GRID1: variants seen among roughly 807,000 people sequenced by gnomAD.
GRID1 encodes the protein glutamate ionotropic receptor delta type subunit 1, also known as glutamate receptor ionotropic, delta-1.
GRID1 carries 28 observed loss-of-function variants against 98.0 expected under a neutral mutation model. The ratio of observed to expected loss-of-function variants is 0.29; its 90% CI spans 0.21 to 0.39. The LOEUF is 0.39. GRID1 is among the 10% of genes least tolerant of loss of function. GRID1 has a pLI of 1.00. For synonymous variants in GRID1, 553 were observed against 538.5 expected (o/e 1.03, Z -0.37); for missense variants, 1,111 against 1,340.5 (o/e 0.83, Z 2.67).
At chr10:86,308,744 C>A (rs7904558) in intron 2 of GRID1, among the ~76,000 whole-genome samples, 11,137 of 152,192 alleles carry the variant, frequency 0.073, 1,127 homozygotes, top group African/African-American at 0.24. Flanking sequence ...CCCACATCTG[C>A]TGAGGGCTTT....
At chr10:86,130,713 C>G (rs1353464342) in intron 4 of GRID1, among the ~76,000 whole-genome samples, 2 of 152,354 alleles carry the variant, frequency 1.3e-5, no homozygotes, top group East Asian at 3.9e-4. Flanking sequence ...CATCCTTTAA[C>G]TTGTCTGTGT....
At chr10:86,282,119 A>C (rs1847365682) in intron 2 of GRID1, among the ~76,000 whole-genome samples, 1 of 152,216 alleles carries the variant, frequency 6.6e-6, no homozygotes, top group African/African-American at 2.4e-5. Flanking sequence ...CAAACTGGGA[A>C]GACCATTCTC....
intron 4 of GRID1, among the ~76,000 whole-genome samples, chr10:86,010,646 A>G (rs1408825799): frequency 6.6e-6 from 1 of 151,994 alleles, no homozygotes; most frequent in Non-Finnish European, 1.5e-5. Flanking sequence ...ATGAAACTCC[A>G]TCTCTACTAA....
chr10:85,985,215 T>A (rs1484157795), intron 4 of GRID1, among the ~76,000 whole-genome samples: 1 of 152,218 alleles, frequency 6.6e-6, no homozygotes. Context: ...CTATCTCAAG[T>A]TGCCAAGTGA....
Position 85,797,752 on chromosome 10 carries a change from CA to C in GRID1, c.1233+56743del, listed in dbSNP as rs1397612841. 3.9e-5 allele frequency among the ~76,000 whole-genome samples: 6 copies of C among 152,116 alleles called. No individual in the cohort carries two copies. In the East Asian group the frequency reaches 1.2e-3, roughly 29 times the overall value. On this transcript the variant is annotated intron_variant, in intron 8 of 15. Coordinates refer to ENST00000327946, the MANE Select transcript of GRID1 (RefSeq NM_017551.3). ...GGTGTGAGCCACCACGCCCAGCCCA[CA>C]GTGTCTATTACAACACATGTTTCTT... is the stretch of plus-strand genomic sequence containing the variant.
chr10:86,087,649 G>T (rs1844083164), intron 4 of GRID1, among the ~76,000 whole-genome samples: 1 of 152,082 alleles, frequency 6.6e-6, no homozygotes, highest in South Asian at 2.1e-4. Context: ...CAACTAATTT[G>T]TTCATTAACA....
intron 12 of GRID1, among the ~76,000 whole-genome samples, chr10:85,710,394 G>A (rs181952473): frequency 2.5e-4 from 38 of 152,204 alleles, no homozygotes; most frequent in Non-Finnish European, 5.2e-4. Flanking sequence ...TCAACAAATC[G>A]TAATGGGAAA....
At position 85,914,899 on chromosome 10, in the gene GRID1, G is replaced by A. The variant is rs985947194; in HGVS notation, c.780+1287C>T. On this transcript the variant is annotated intron_variant, in intron 5 of 15. Coordinates refer to ENST00000327946, the MANE Select transcript of GRID1 (RefSeq NM_017551.3). ...TGAGTCAGCTTTTAGTGAATATAGT[G>A]CACTGAGGTCACACAGGCCACCCCG... Among the ~76,000 whole-genome samples the A allele has an allele frequency of 6.6e-5, 10 of 152,128 alleles. No individual in the cohort carries two copies. In the East Asian group the frequency reaches 9.7e-4, roughly 15 times the overall value.
At chr10:85,743,112 C>CCCA (rs996159286) in intron 8 of GRID1, among the ~76,000 whole-genome samples, 4 of 132,054 alleles carry the variant, frequency 3.0e-5, no homozygotes, top group Non-Finnish European at 5.0e-5. Flanking sequence ...GCAGCCCCCC[C>CCCA]CCCCACCACC....
chr10:85,605,100 C>G (rs1842641907), intron 15 of GRID1, among the ~76,000 whole-genome samples: 1 of 152,210 alleles, frequency 6.6e-6, no homozygotes, highest in Non-Finnish European at 1.5e-5. Flanking sequence ...AGCCATCCTC[C>G]TAGTGTTCTG....
At chr10:85,686,020 C>A (rs928462154) in intron 12 of GRID1, among the ~76,000 whole-genome samples, 9 of 151,794 alleles carry the variant, frequency 5.9e-5, no homozygotes, top group African/African-American at 2.2e-4. Context: ...GCCAATTATC[C>A]CCAAGTCTAT....
intron 2 of GRID1, among the ~76,000 whole-genome samples, chr10:86,231,933 C>T (rs2814329): frequency 0.37 from 55,758 of 152,098 alleles, 12,318 homozygotes; most frequent in Non-Finnish European, 0.49. Context: ...TCAACAAATG[C>T]TCATTGGGTG....
chr10:85,938,099 T>C (rs961371234), intron 4 of GRID1, among the ~76,000 whole-genome samples: 4 of 152,068 alleles, frequency 2.6e-5, no homozygotes, highest in African/African-American at 9.7e-5. Context: ...ACCAACAGAG[T>C]TTCTTCCAGA....
chr10:85,785,873 C>T (rs553490368), intron 8 of GRID1, among the ~76,000 whole-genome samples: 1 of 151,952 alleles, frequency 6.6e-6, no homozygotes, highest in East Asian at 1.9e-4. Context: ...AACAAATGCA[C>T]ACACACACAT....
At chr10:85,701,674 C>T (rs1203641712) in intron 12 of GRID1, among the ~76,000 whole-genome samples, 3 of 152,078 alleles carry the variant, frequency 2.0e-5, no homozygotes. Flanking sequence ...TCTCCACATT[C>T]AAGGAAGAGT....
chr10:85,985,547 A>G (rs893561987), intron 4 of GRID1, among the ~76,000 whole-genome samples: 1 of 152,178 alleles, frequency 6.6e-6, no homozygotes, highest in East Asian at 1.9e-4. Flanking sequence ...TCCTTGTAGG[A>G]GCCACTAGCC....
intron 8 of GRID1, among the ~76,000 whole-genome samples, chr10:85,799,212 T>G (rs536695065): frequency 1.3e-5 from 2 of 152,288 alleles, no homozygotes; most frequent in African/African-American, 4.8e-5. Context: ...TGTCCATGTC[T>G]ACATTGGTAC....
chr10:85,977,632 G>A (rs775839678), intron 4 of GRID1, among the ~76,000 whole-genome samples: 1 of 152,224 alleles, frequency 6.6e-6, no homozygotes, highest in African/African-American at 2.4e-5. Context: ...TGCAGAGCCT[G>A]GGAGTGCTCC....
At chr10:85,666,751 T>C (rs1433070442) in intron 12 of GRID1, among the ~76,000 whole-genome samples, 5 of 152,120 alleles carry the variant, frequency 3.3e-5, no homozygotes, top group Non-Finnish European at 1.5e-5. Flanking sequence ...CACCTGGACA[T>C]CTATGGGCAT....
Sources: allele counts gnomAD v4.1 joint callset (sites outside exome capture counted in the v4.1 genomes callset), GRCh38; gene constraint gnomAD v4.1.1; transcripts MANE v1.5; gene names NCBI Gene and HGNC (gene_info 2026-07-23, HGNC 2026-07-21).